Variants in SLC36A4 observed in about 807,000 individuals in gnomAD.
SLC36A4 encodes solute carrier family 36 member 4, also known as neutral amino acid uniporter 4.
Under a neutral mutation model 50.5 loss-of-function variants are expected in SLC36A4, and 49 were observed. The ratio of observed to expected loss-of-function variants is 0.97; its 90% CI spans 0.77 to 1.23. The LOEUF (loss-of-function observed/expected upper bound fraction) is 1.23. Ranked by LOEUF, SLC36A4 falls within the 50% of genes most tolerant of loss-of-function variation. The pLI is 0.00. For synonymous variants in SLC36A4, 207 were observed against 206.5 expected, an observed-to-expected ratio of 1.00 and a Z score of -0.02; for missense variants, 611 against 608.4, an observed-to-expected ratio of 1.00 and a Z score of -0.05.
intron 10 of SLC36A4, among the ~76,000 whole-genome samples, chr11:93,151,643 C>T (rs1255622867): frequency 2.0e-5 from 3 of 152,022 alleles, no homozygotes; most frequent in Non-Finnish European, 4.4e-5. Flanking sequence ...TGGGTTTTCT[C>T]TACAAACTAC....
intron 6 of SLC36A4, among the ~76,000 whole-genome samples, chr11:93,169,147 T>A (rs118099748): frequency 0.027 from 4,037 of 152,156 alleles, 81 homozygotes; most frequent in Non-Finnish European, 0.04. Context: ...TAATAGCTAG[T>A]GTTTTTTGAG....
intron 9 of SLC36A4, among the ~76,000 whole-genome samples, chr11:93,156,225 C>A (rs903922035): frequency 3.3e-5 from 5 of 152,148 alleles, no homozygotes; most frequent in African/African-American, 1.2e-4. Context: ...TCCTTTTTCT[C>A]CATAAGCTCA....
In SLC36A4 at chr11:93,165,967, T is replaced by C. The variant is rs1417761612; in HGVS notation, c.818A>G (p.Tyr273Cys). The C allele has an allele frequency of 6.2e-7, 1 of 1,611,352 alleles. No individual in the cohort carries two copies. Among genetic ancestry groups the C allele is most frequent in the East Asian group, 2.2e-5 (1 of 44,784 alleles). The change falls in exon 8 of 11, where the codon TAC becomes TGC. Residue 273 changes from tyrosine to cysteine, a missense_variant. Physicochemically the swap from Tyr to Cys is radical, Grantham distance 194. Coordinates refer to ENST00000326402, the MANE Select transcript of SLC36A4 (RefSeq NM_152313.4). ...NLPIVAGWKK[Y>C]PLFFGTAVFA... Reference sequence around the variant, plus strand: ...TACAGCAGTACCAAAAAAGAGTGGGTATTTCTTCCAACCAGCCACTATTGG... The same window carrying C: ...TACAGCAGTACCAAAAAAGAGTGGGCATTTCTTCCAACCAGCCACTATTGG...
chr11:93,154,990 T>C (rs370024685), intron 9 of SLC36A4: 3 of 152,106 alleles, frequency 2.0e-5, no homozygotes, highest in South Asian at 4.1e-4. Flanking sequence ...GATAACCTCC[T>C]GTCAAAACTT....
Position 93,197,586 on chromosome 11 carries a change from C to T in SLC36A4, c.55+192G>A, listed in dbSNP as rs1862482570. ...CACATATTTTAACGCCCTATTCAGG[C>T]CTGGGCTTCGTCTGACCAAGTTCTC... On this transcript the variant is annotated intron_variant, in intron 1 of 10. Transcript: ENST00000326402. 9.7e-6 allele frequency: 6 copies of T among 620,088 alleles called. 1 individual carries two copies. In the South Asian group the frequency reaches 1.2e-4, roughly 12 times the overall value. The allele number at this position is 620,088 out of a possible 1,614,324, so 38.4% of individuals were successfully genotyped here.
At chr11:93,166,124 G>T in intron 7 of SLC36A4, 108 bp from the exon 8 acceptor site, 1 of 1,244,172 alleles carries the variant, frequency 8.0e-7, no homozygotes, top group Non-Finnish European at 1.1e-6. Context: ...CAGCAAATGT[G>T]TTATAAAATT....
chr11:93,193,202 A>G (rs996754601), intron 1 of SLC36A4, among the ~76,000 whole-genome samples: 1 of 152,156 alleles, frequency 6.6e-6, no homozygotes, highest in African/African-American at 2.4e-5. Context: ...TTGAGTATGC[A>G]AAGATGGGCA....
At chr11:93,167,594 TATATTA>T in intron 7 of SLC36A4, 1 of 175,030 alleles carries the variant, frequency 5.7e-6, no homozygotes, top group Non-Finnish European at 1.2e-5. Flanking sequence ...TGCATATATA[TATATTA>T]ATGAGTACCT....
chr11:93,181,807 T>C lies in SLC36A4; in HGVS notation c.360-21A>G, dbSNP rs1041090595. 3.3e-6 allele frequency: 5 copies of C among 1,527,370 alleles called. No individual in the cohort carries two copies. The African/African-American group carries it at 4.2e-5, about 13-fold the overall frequency. The allele number at this position is 1,527,370 out of a possible 1,614,324, so 94.6% of individuals were successfully genotyped here. On this transcript the variant is annotated intron_variant, in intron 4 of 10. Transcript: ENST00000326402. ...TAAACCTGTAATTTAATGACATACA[T>C]ACAAAGGAAAAAAGAAAAATTTTAA...
At chr11:93,160,319 G>GT (rs1172198247) in intron 9 of SLC36A4, 2 of 985,268 alleles carry the variant, frequency 2.0e-6, no homozygotes, top group Admixed American at 6.2e-5. Flanking sequence ...TGGCTTTCCT[G>GT]TTTTTTCCAG....
chr11:93,189,639 G>A (rs1862131454), intron 1 of SLC36A4, among the ~76,000 whole-genome samples: 2 of 152,000 alleles, frequency 1.3e-5, no homozygotes. Context: ...ATTTCTTTCT[G>A]TCAGGGAGTG....
chr11:93,163,423 T>G (rs1358645544), intron 8 of SLC36A4, among the ~76,000 whole-genome samples: 1 of 152,214 alleles, frequency 6.6e-6, no homozygotes, highest in East Asian at 1.9e-4. Context: ...GTTCATTATC[T>G]TGCCAGTTTT....
rs994996081 is a variant in SLC36A4, at chr11:93,148,344, C to T, written c.*193G>A. On this transcript the variant is annotated 3_prime_UTR_variant, in exon 11 of 11. Coordinates refer to ENST00000326402, the MANE Select transcript of SLC36A4 (RefSeq NM_152313.4). ...ACTTAATTTTTTGAACTATTGCTAA[C>T]ACTTAAAAGCAAGGATTTTTCATAG... 2.1e-6 allele frequency: 1 copy of T among 466,060 alleles called. No homozygotes were observed. 28.9% of individuals were successfully genotyped at this position (466,060 alleles called of 1,614,324 possible). A position where few individuals can be genotyped will look rare whatever the true frequency, so the allele number is the denominator to read the frequency against.
chr11:93,170,638 A>AT (rs1229941603), intron 6 of SLC36A4, among the ~76,000 whole-genome samples: 2 of 152,002 alleles, frequency 1.3e-5, no homozygotes, highest in Non-Finnish European at 2.9e-5. Flanking sequence ...ATATTGCTAC[A>AT]TTTTTTATTT....
chr11:93,162,123 A>G (rs982698720), intron 9 of SLC36A4, among the ~76,000 whole-genome samples: 1 of 152,052 alleles, frequency 6.6e-6, no homozygotes, highest in Non-Finnish European at 1.5e-5. Flanking sequence ...ACAAGTATTA[A>G]TTTTTTTATT....
intron 1 of SLC36A4, among the ~76,000 whole-genome samples, chr11:93,187,385 A>T (rs1237334101): frequency 6.6e-6 from 1 of 152,104 alleles, no homozygotes; most frequent in African/African-American, 2.4e-5. Context: ...TTCTACTATA[A>T]AGTTTTCTTG....
intron 1 of SLC36A4, among the ~76,000 whole-genome samples, chr11:93,188,811 T>C (rs771626720): frequency 6.6e-4 from 101 of 152,282 alleles, no homozygotes; most frequent in Non-Finnish European, 1.0e-3. Context: ...CATAATCAAG[T>C]ACTACAAGAG....
At chr11:93,187,661 T>C (rs1487091318) in intron 1 of SLC36A4, among the ~76,000 whole-genome samples, 3 of 152,368 alleles carry the variant, frequency 2.0e-5, no homozygotes, top group Non-Finnish European at 2.9e-5. Flanking sequence ...ACAGGAATCC[T>C]AGTTCAAGAG....
chr11:93,176,665 AT>A (rs1161902720), intron 6 of SLC36A4, among the ~76,000 whole-genome samples: 1 of 151,896 alleles, frequency 6.6e-6, no homozygotes, highest in Admixed American at 6.6e-5. Flanking sequence ...ATCTCTCAGC[AT>A]TTGCTTGTCT....
Sources: gnomAD v4.1 joint callset for allele counts (sites outside exome capture counted in the v4.1 genomes callset) on GRCh38, gnomAD v4.1.1 for gene constraint, MANE v1.5 for transcripts, NCBI Gene and HGNC (gene_info 2026-07-23, HGNC 2026-07-21) for gene names.